SLC24A4: variants seen among roughly 807,000 people sequenced by gnomAD.
The protein encoded by SLC24A4 is solute carrier family 24 member 4.
Under a neutral mutation model 79.0 loss-of-function variants are expected in SLC24A4, and 53 were observed. The observed-to-expected ratio is 0.67, with a 90% CI of 0.54 to 0.84. SLC24A4 has a LOEUF of 0.84. Among genes scored for constraint, SLC24A4 ranks in the 40% least tolerant of loss-of-function variants. The probability of loss-of-function intolerance (pLI) is 0.00; values close to 1 mark genes in which losing one functional copy is unlikely to be tolerated. For synonymous variants in SLC24A4, 323 were observed against 323.8 expected, an observed-to-expected ratio of 1.00 and a Z score of 0.03; for missense variants, 731 against 822.0, an observed-to-expected ratio of 0.89 and a Z score of 1.35.
chr14:92,376,451 G>A (rs1032447093), intron 2 of SLC24A4, among the ~76,000 whole-genome samples: 6 of 152,250 alleles, frequency 3.9e-5, no homozygotes, highest in African/African-American at 1.2e-4. Flanking sequence ...AGGCCACGTC[G>A]GGGCAGCTGG....
At chr14:92,403,622 A>T (rs943498568) in intron 2 of SLC24A4, among the ~76,000 whole-genome samples, 7 of 148,584 alleles carry the variant, frequency 4.7e-5, no homozygotes, top group Non-Finnish European at 1.0e-4. Flanking sequence ...AAAAAAAAAA[A>T]GCTCTGAGAG....
At chr14:92,452,875 A>G (rs770994240) in intron 10 of SLC24A4, 1 of 151,948 alleles carries the variant, frequency 6.6e-6, no homozygotes, top group South Asian at 2.1e-4. Flanking sequence ...TGTGCTATTA[A>G]CTCTTACACG....
At chr14:92,405,621 A>G (rs1426389512) in intron 2 of SLC24A4, among the ~76,000 whole-genome samples, 1 of 152,196 alleles carries the variant, frequency 6.6e-6, no homozygotes, top group Non-Finnish European at 1.5e-5. Context: ...CAATCATGGC[A>G]GAAGGTGAAG....
At chr14:92,468,893 T>A (rs12897797) in intron 12 of SLC24A4, among the ~76,000 whole-genome samples, 1 of 133,138 alleles carries the variant, frequency 7.5e-6, no homozygotes, top group Non-Finnish European at 1.6e-5. Flanking sequence ...ATCATGTATC[T>A]GTGTGTGTGT....
At chr14:92,336,229 A>G (rs1885794676) in intron 2 of SLC24A4, among the ~76,000 whole-genome samples, 1 of 152,244 alleles carries the variant, frequency 6.6e-6, no homozygotes, top group African/African-American at 2.4e-5. Context: ...AAAGAGATCC[A>G]GCCGTTGGAC....
intron 12 of SLC24A4, among the ~76,000 whole-genome samples, chr14:92,481,801 G>C (rs2139921749): frequency 6.6e-6 from 1 of 152,296 alleles, no homozygotes; most frequent in South Asian, 2.1e-4. Context: ...TGTTCTCAAT[G>C]CTTCTACAAA....
At chr14:92,415,387 C>T (rs1444173135) in intron 2 of SLC24A4, among the ~76,000 whole-genome samples, 2 of 152,202 alleles carry the variant, frequency 1.3e-5, no homozygotes, top group African/African-American at 4.8e-5. Context: ...GGAATAGACT[C>T]ACAAATGGTG....
chr14:92,365,770 A>G (rs1236445055), intron 2 of SLC24A4, among the ~76,000 whole-genome samples: 1 of 152,142 alleles, frequency 6.6e-6, no homozygotes, highest in Non-Finnish European at 1.5e-5. Context: ...AATTTCCTGT[A>G]TGCTAACTAT....
At chr14:92,467,652 G>T (rs1894195880) in intron 12 of SLC24A4, among the ~76,000 whole-genome samples, 1 of 152,162 alleles carries the variant, frequency 6.6e-6, no homozygotes, top group Non-Finnish European at 1.5e-5. Flanking sequence ...TTCACTCCAT[G>T]TTGCCCTCCA....
intron 8 of SLC24A4, among the ~76,000 whole-genome samples, chr14:92,446,098 T>C (rs1002096610): frequency 6.6e-6 from 1 of 152,186 alleles, no homozygotes; most frequent in Non-Finnish European, 1.5e-5. Context: ...TTTGATAGCA[T>C]GGGAATGCAT....
rs149564598 is a variant in SLC24A4, at chr14:92,395,673, T to C, written c.242-38239T>C. On this transcript the variant is annotated intron_variant, in intron 2 of 16. Transcript: ENST00000532405. ...TCAGGATTCCATAAGAAGCCTGGCC[T>C]GCACTCAGTCAAGGACAACACTGCC... 7.2e-5 allele frequency among the ~76,000 whole-genome samples: 11 copies of C among 152,300 alleles called. No homozygotes were observed. In the East Asian group the frequency reaches 1.9e-3, roughly 27 times the overall value.
chr14:92,391,931 GC>G (rs1177416609), intron 2 of SLC24A4, among the ~76,000 whole-genome samples: 1 of 152,192 alleles, frequency 6.6e-6, no homozygotes, highest in Non-Finnish European at 1.5e-5. Context: ...CCTGACTGCA[GC>G]TGCGTGAGAG....
intron 11 of SLC24A4, among the ~76,000 whole-genome samples, chr14:92,456,021 A>G (rs1320188158): frequency 6.6e-6 from 1 of 152,190 alleles, no homozygotes; most frequent in Non-Finnish European, 1.5e-5. Context: ...ATTTTGTATA[A>G]TGTACCTAAA....
chr14:92,393,545 C>CTT (rs5810597), intron 2 of SLC24A4, among the ~76,000 whole-genome samples: 2,757 of 112,410 alleles, frequency 0.025, 107 homozygotes, highest in East Asian at 0.062. Context: ...AAGACACACT[C>CTT]TTTTTTTTTT....
chr14:92,332,914 T>A (rs1323153583), intron 2 of SLC24A4, among the ~76,000 whole-genome samples: 1 of 152,218 alleles, frequency 6.6e-6, no homozygotes, highest in Admixed American at 6.5e-5. Flanking sequence ...GAAACAAATT[T>A]GTTTAATTTA....
At chr14:92,449,298 AC>A in intron 10 of SLC24A4, 82 bp downstream of exon 10, 1 of 1,257,204 alleles carries the variant, frequency 8.0e-7, no homozygotes. Context: ...ACACACACAC[AC>A]ACACACACAC....
intron 2 of SLC24A4, among the ~76,000 whole-genome samples, chr14:92,379,209 G>C (rs572825780): frequency 6.6e-5 from 10 of 152,302 alleles, no homozygotes; most frequent in Middle Eastern, 3.4e-3. Flanking sequence ...TGAGAGGTGG[G>C]GGATGACCTG....
In SLC24A4 at chr14:92,491,736, C is replaced by G. The variant is rs1170775528; in HGVS notation, c.1609C>G (p.Pro537Ala). The G allele has an allele frequency of 2.5e-6, 4 of 1,613,818 alleles. No individual in the cohort carries two copies. Among genetic ancestry groups the G allele is most frequent in the Non-Finnish European group, 2.5e-6 (3 of 1,179,862 alleles). Reference protein sequence around the residue: ...VFDILVGLGVPWGLQTMVVNY... With the variant: ...VFDILVGLGVAWGLQTMVVNY... ...TGACATCCTGGTAGGACTTGGTGTACCGTGGGGCCTGCAGACCATGGTTGT... is the reference window on the plus strand; with the variant it reads ...TGACATCCTGGTAGGACTTGGTGTAGCGTGGGGCCTGCAGACCATGGTTGT... The change falls in exon 15 of 17, where the codon CCG becomes GCG. Residue 537 changes from proline (P) to alanine (A), a missense_variant. Coordinates refer to ENST00000532405, the MANE Select transcript of SLC24A4 (RefSeq NM_153646.4).
At chr14:92,326,359 C>A (rs1389702098) in intron 2 of SLC24A4, among the ~76,000 whole-genome samples, 1 of 152,174 alleles carries the variant, frequency 6.6e-6, no homozygotes, top group East Asian at 1.9e-4. Context: ...GATCCAGCTG[C>A]TGTGGCAATG....
Sources: allele counts gnomAD v4.1 joint callset (sites outside exome capture counted in the v4.1 genomes callset), GRCh38; gene constraint gnomAD v4.1.1; transcripts MANE v1.5; gene names NCBI Gene and HGNC (gene_info 2026-07-23, HGNC 2026-07-21).